Variants in MEGF11 observed in about 807,000 individuals in gnomAD.
MEGF11 encodes multiple epidermal growth factor-like domains protein 11.
A neutral mutation model predicts 146.6 loss-of-function variants in MEGF11; 126 were observed. The observed-to-expected ratio is 0.86, with a 90% CI of 0.74 to 1.00. The LOEUF (loss-of-function observed/expected upper bound fraction) is 1.00. Among genes scored for constraint, MEGF11 ranks in the 50% least tolerant of loss-of-function variants. The probability of loss-of-function intolerance (pLI) is 0.00; values close to 1 mark genes in which losing one functional copy is unlikely to be tolerated. For missense variants in MEGF11, 1,509 were observed against 1,521.2 expected, an observed-to-expected ratio of 0.99 and a Z score of 0.13; for synonymous variants, 532 against 583.4, an observed-to-expected ratio of 0.91 and a Z score of 1.27.
chr15:66,052,935 C>A (rs1433054526), intron 5 of MEGF11, among the ~76,000 whole-genome samples: 4 of 152,132 alleles, frequency 2.6e-5, no homozygotes, highest in Non-Finnish European at 4.4e-5. Flanking sequence ...AATATGCAGC[C>A]AGAGTGGGAA....
At chr15:66,050,101 C>T (rs2084390613) in intron 5 of MEGF11, among the ~76,000 whole-genome samples, 1 of 152,102 alleles carries the variant, frequency 6.6e-6, no homozygotes, top group Admixed American at 6.5e-5. Flanking sequence ...ACTGTGTTGC[C>T]CAGGCTAAAC....
chr15:66,178,172 G>A (rs28449809), intron 1 of MEGF11, among the ~76,000 whole-genome samples: 3,263 of 152,040 alleles, frequency 0.021, 128 homozygotes, highest in African/African-American at 0.076. Context: ...TTTTGTAGAC[G>A]AGGGAATCTC....
At position 66,237,678 on chromosome 15, in the gene MEGF11, C is replaced by T. The variant is rs117365148; in HGVS notation, c.-9+15927G>A. Among the ~76,000 whole-genome samples, 537 of 152,300 alleles carry T rather than the reference C, an allele frequency of 3.5e-3. 3 individuals carry two copies. The highest frequency in any genetic ancestry group is 5.5e-3 in the Non-Finnish European group (374 of 68,038). ...ATTGAATGAGTAATCCTTGAAGACA[C>T]TGGCACGTGGCTATCTCCCGCCGGG... On this transcript the variant is annotated intron_variant, in intron 1 of 25. Coordinates refer to ENST00000395614, the MANE Select transcript of MEGF11 (RefSeq NM_001385028.1).
intron 1 of MEGF11, among the ~76,000 whole-genome samples, chr15:66,147,810 G>T (rs913045261): frequency 4.6e-5 from 7 of 152,348 alleles, no homozygotes; most frequent in East Asian, 1.9e-4. Context: ...GCCATTCAAA[G>T]GTTTTAAGCA....
intron 5 of MEGF11, among the ~76,000 whole-genome samples, chr15:66,081,451 T>C (rs1022941619): frequency 6.6e-6 from 1 of 152,196 alleles, no homozygotes; most frequent in Non-Finnish European, 1.5e-5. Flanking sequence ...CGATCTCGGC[T>C]CACTGCAACC....
At chr15:65,977,635 T>C (rs943704479) in intron 7 of MEGF11, among the ~76,000 whole-genome samples, 75 of 151,982 alleles carry the variant, frequency 4.9e-4, no homozygotes, top group African/African-American at 1.6e-3. Flanking sequence ...CCCACGACCA[T>C]GTCTGGCTGA....
At chr15:65,969,904 G>GAAA (rs1277247270) in intron 8 of MEGF11, among the ~76,000 whole-genome samples, 1 of 152,040 alleles carries the variant, frequency 6.6e-6, no homozygotes, top group Non-Finnish European at 1.5e-5. Context: ...TCTTTTTCCA[G>GAAA]CTTCCAATCT....
intron 4 of MEGF11, among the ~76,000 whole-genome samples, chr15:66,111,651 G>A (rs1305645071): frequency 1.3e-5 from 2 of 152,156 alleles, no homozygotes; most frequent in African/African-American, 2.4e-5. Context: ...TCCATGTAGG[G>A]GGGATTTGAA....
intron 5 of MEGF11, among the ~76,000 whole-genome samples, chr15:66,090,544 G>C (rs2086278088): frequency 1.3e-5 from 2 of 152,270 alleles, no homozygotes; most frequent in South Asian, 2.1e-4. Flanking sequence ...TTTCACCCAG[G>C]GTGCTGCCCA....
At chr15:65,955,777 T>G (rs1295272478) in intron 10 of MEGF11, among the ~76,000 whole-genome samples, 28 of 10,486 alleles carry the variant, frequency 2.7e-3, no homozygotes, top group South Asian at 0.017. Context: ...TATATATATA[T>G]ATATATATAT....
At chr15:66,013,604 T>G (rs1255259046) in intron 5 of MEGF11, among the ~76,000 whole-genome samples, 1 of 152,064 alleles carries the variant, frequency 6.6e-6, no homozygotes, top group Non-Finnish European at 1.5e-5. Flanking sequence ...ATCCCCACAG[T>G]GAATTGAGGC....
intron 5 of MEGF11, among the ~76,000 whole-genome samples, chr15:66,062,235 C>G (rs1358222308): frequency 1.3e-5 from 2 of 152,240 alleles, no homozygotes; most frequent in Non-Finnish European, 2.9e-5. Context: ...CCCCTCCCAT[C>G]TTGAGTATGG....
intron 1 of MEGF11, among the ~76,000 whole-genome samples, chr15:66,219,222 A>C (rs577112165): frequency 2.6e-5 from 4 of 152,346 alleles, no homozygotes; most frequent in African/African-American, 7.2e-5. Flanking sequence ...ATCAGAGCTC[A>C]TGAAAATTAA....
At chr15:66,220,377 C>G (rs2091703097) in intron 1 of MEGF11, among the ~76,000 whole-genome samples, 1 of 151,804 alleles carries the variant, frequency 6.6e-6, no homozygotes, top group African/African-American at 2.4e-5. Context: ...TGAAAAAAAG[C>G]CAGTCTCGAG....
intron 9 of MEGF11, among the ~76,000 whole-genome samples, chr15:65,958,017 AATTCAGACACATGGAAACC>A (rs1207192174): frequency 6.6e-6 from 1 of 152,192 alleles, no homozygotes; most frequent in African/African-American, 2.4e-5. Flanking sequence ...CCTTCTTTAT[AATTCAGACACATGGAAACC>A]AAAATGGAGA....
intron 5 of MEGF11, among the ~76,000 whole-genome samples, chr15:66,018,784 C>T (rs2082988662): frequency 6.6e-6 from 1 of 152,106 alleles, no homozygotes; most frequent in African/African-American, 2.4e-5. Context: ...ACAGACACAG[C>T]CAAAGAGATA....
At chr15:66,214,311 G>A (rs916027618) in intron 1 of MEGF11, among the ~76,000 whole-genome samples, 1 of 152,112 alleles carries the variant, frequency 6.6e-6, no homozygotes. Flanking sequence ...GGGATTACAG[G>A]GATTACACTG....
chr15:66,156,152 C>G (rs899280540), intron 1 of MEGF11, among the ~76,000 whole-genome samples: 18 of 152,144 alleles, frequency 1.2e-4, no homozygotes, highest in African/African-American at 4.3e-4. Context: ...GAAGGAGGGT[C>G]AGAGGCCCCC....
At position 65,922,376 on chromosome 15, in the gene MEGF11, T is replaced by C; in HGVS notation, c.1919A>G (p.Glu640Gly). 1 of 1,604,290 alleles carries C rather than the reference T, an allele frequency of 6.2e-7. No homozygotes were observed. ...RPCHHISGICECLPGFSGALC... is the reference protein window; with the variant it reads ...RPCHHISGICGCLPGFSGALC... ...AGCTCCAGAGAATCCTGGGAGGCAC[T>C]CACAGATGCCGCTGATGTGGTGGCA... Residue 640 changes from glutamate (E) to glycine (G), a missense_variant, in exon 15 of 26, where the codon GAG becomes GGG. Glu to Gly is a moderately conservative substitution (Grantham distance 98). Coordinates refer to ENST00000395614, the MANE Select transcript of MEGF11 (RefSeq NM_001385028.1).
Sources: gnomAD v4.1 joint callset for allele counts (sites outside exome capture counted in the v4.1 genomes callset) on GRCh38, gnomAD v4.1.1 for gene constraint, MANE v1.5 for transcripts, NCBI Gene and HGNC (gene_info 2026-07-23, HGNC 2026-07-21) for gene names.